PSG3: variants seen among roughly 807,000 people sequenced by gnomAD.
The protein encoded by PSG3 is pregnancy specific beta-1-glycoprotein 3.
Under a neutral mutation model 47.5 loss-of-function variants are expected in PSG3, and 61 were observed. That is an observed-to-expected ratio of 1.28 (90% confidence interval 1.05 to 1.59). PSG3 has a LOEUF of 1.59. PSG3 is among the 40% of genes most tolerant of loss of function. PSG3 has a pLI of 0.00. For synonymous variants in PSG3, 263 were observed against 198.4 expected (o/e 1.33, Z -2.74); for missense variants, 756 against 524.0 (o/e 1.44, Z -4.32).
At chr19:42,726,489 TA>T (rs1351201586) in intron 5 of PSG3, among the ~76,000 whole-genome samples, 1 of 152,142 alleles carries the variant, frequency 6.6e-6, no homozygotes, top group African/African-American at 2.4e-5. Context: ...TTCAATACAC[TA>T]ACCATGAACA....
chr19:42,734,043 G>A (rs1468181825), intron 2 of PSG3: 1 of 152,142 alleles, frequency 6.6e-6, no homozygotes, highest in South Asian at 2.1e-4. Context: ...ACTACTCTAT[G>A]TACCTGATAT....
In PSG3 at chr19:42,729,110, G is replaced by A. The variant is rs772098195; in HGVS notation, c.1243+13C>T. On this transcript the variant is annotated intron_variant, in intron 5 of 6. Transcript: ENST00000327495. ...CTAAAACTCTATTGCCAAGCATGCT[G>A]GGATCCACTTACCAGAGACTTTGAC... 3.1e-6 allele frequency: 5 copies of A among 1,613,952 alleles called. No homozygotes were observed. Among genetic ancestry groups the A allele is most frequent in the Non-Finnish European group, 1.7e-6 (2 of 1,179,856 alleles).
chr19:42,731,914 C>T (rs1969478406), intron 3 of PSG3: 2 of 151,042 alleles, frequency 1.3e-5, no homozygotes, highest in Admixed American at 1.3e-4. Flanking sequence ...CCTTAATTTC[C>T]TTTCAGATTG....
chr19:42,738,591 C>T (rs1341124165), intron 2 of PSG3, 133 bp downstream of exon 2: 9 of 1,547,474 alleles, frequency 5.8e-6, no homozygotes, highest in African/African-American at 1.4e-5. Flanking sequence ...GTGTGTCCTG[C>T]ACTAAATGCC....
intron 1 of PSG3, among the ~76,000 whole-genome samples, chr19:42,739,708 G>A (rs1969635969): frequency 6.6e-6 from 1 of 152,126 alleles, no homozygotes; most frequent in African/African-American, 2.4e-5. Context: ...TTTTTGCTGA[G>A]GACAGTGTTT....
intron 1 of PSG3, 64 bp downstream of exon 1, chr19:42,740,257 A>T: frequency 6.2e-7 from 1 of 1,613,146 alleles, no homozygotes; most frequent in Non-Finnish European, 8.5e-7. Context: ...GAGTCTCTCC[A>T]GGAGACCCCA....
chr19:42,733,034 G>A lies in PSG3; in HGVS notation c.459C>T (p.Ser153=), dbSNP rs142165732. 26 of 1,614,026 alleles carry A rather than the reference G, an allele frequency of 1.6e-5. No homozygotes were observed. The African/African-American group carries it at 3.2e-4, about 20-fold the overall frequency. ...TGTCCTCCCTGGGGTATAAGTTGCT[G>A]CTGGAGATGGAGGGCTTGGGAGTCT... is the stretch of plus-strand genomic sequence containing the variant. ...YLETPKPSIS[S]SNLYPREDME... The change falls in exon 3 of 7, where the codon AGC becomes AGT. Residue 153 remains serine (S), a synonymous_variant. Transcript: ENST00000327495.
intron 2 of PSG3, among the ~76,000 whole-genome samples, chr19:42,737,566 T>C (rs1195838575): frequency 3.9e-5 from 6 of 152,248 alleles, no homozygotes; most frequent in East Asian, 1.9e-4. Flanking sequence ...ACGGTTGAGG[T>C]AGGTGATTTA....
chr19:42,723,739 G>A (rs1969331688), intron 6 of PSG3, among the ~76,000 whole-genome samples: 1 of 152,196 alleles, frequency 6.6e-6, no homozygotes, highest in Admixed American at 6.5e-5. Flanking sequence ...AGAGGCTGGA[G>A]ATAATTATGT....
intron 2 of PSG3, among the ~76,000 whole-genome samples, chr19:42,738,085 C>G (rs1969596543): frequency 6.6e-6 from 1 of 152,194 alleles, no homozygotes; most frequent in Non-Finnish European, 1.5e-5. Flanking sequence ...CCTCCTAAGG[C>G]AGTTGTCTGA....
chr19:42,738,771 C>T lies in PSG3; in HGVS notation c.383G>A (p.Gly128Asp), dbSNP rs148268470. 6 of 1,614,088 alleles carry T rather than the reference C, an allele frequency of 3.7e-6. No individual in the cohort carries two copies. The highest frequency in any genetic ancestry group is 1.3e-5 in the African/African-American group (1 of 75,054). ...TCCAGTTTCTCCTCTAGTCCCATCA[C>T]CTCGCTTTACGATGTGTAAGGTGTA... ...GSYTLHIVKRGDGTRGETGHF... is the reference protein window; with the variant it reads ...GSYTLHIVKRDDGTRGETGHF... The change falls in exon 2 of 7, where the codon GGT becomes GAT. Residue 128 changes from glycine (G) to aspartate (D), a missense_variant. Gly to Asp is a moderately conservative substitution (Grantham distance 94, BLOSUM62 -1). Transcript: ENST00000327495.
intron 2 of PSG3, among the ~76,000 whole-genome samples, chr19:42,734,402 T>C (rs1969527101): frequency 6.6e-6 from 1 of 152,198 alleles, no homozygotes; most frequent in Non-Finnish European, 1.5e-5. Context: ...TTTGGAGCAT[T>C]TCAGATTGTG....
intron 3 of PSG3, chr19:42,732,533 G>A (rs1233206925): frequency 2.3e-6 from 2 of 888,856 alleles, no homozygotes; most frequent in Non-Finnish European, 3.4e-6. Context: ...TGGAGCCTGA[G>A]ACAGTCACCT....
chr19:42,723,489 G>T (rs1969328313), intron 6 of PSG3, among the ~76,000 whole-genome samples: 2 of 152,282 alleles, frequency 1.3e-5, no homozygotes, highest in African/African-American at 2.4e-5. Flanking sequence ...GGCTAGAGTA[G>T]ACCCCTGGAG....
chr19:42,735,847 A>T (rs1209234918), intron 2 of PSG3, among the ~76,000 whole-genome samples: 1 of 152,186 alleles, frequency 6.6e-6, no homozygotes, highest in East Asian at 1.9e-4. Context: ...AAATGGGTGA[A>T]ATGAGCCCAT....
At chr19:42,732,463 C>T in intron 3 of PSG3, 1 of 531,626 alleles carries the variant, frequency 1.9e-6, no homozygotes, top group Non-Finnish European at 3.3e-6. Flanking sequence ...GCCACAGTGA[C>T]CCTGTGAGCC....
chr19:42,730,226 G>A (rs1443886963), intron 3 of PSG3, among the ~76,000 whole-genome samples, 170 bp from the exon 4 acceptor site: 1 of 152,306 alleles, frequency 6.6e-6, no homozygotes, highest in East Asian at 1.9e-4. Flanking sequence ...AGGGCTCAAA[G>A]ACTGTGAGGC....
chr19:42,732,416 T>C (rs1969486569), intron 3 of PSG3: 1 of 405,138 alleles, frequency 2.5e-6, no homozygotes, highest in African/African-American at 2.0e-5. Flanking sequence ...ATAGGTGGTA[T>C]TGTCAGAGGG....
At chr19:42,723,134 T>C (rs184930906) in intron 6 of PSG3, among the ~76,000 whole-genome samples, 1 of 152,344 alleles carries the variant, frequency 6.6e-6, no homozygotes, top group East Asian at 1.9e-4. Flanking sequence ...CATTTCTGTA[T>C]CTTTTTTAAA....
Sources: allele counts gnomAD v4.1 joint callset (sites outside exome capture counted in the v4.1 genomes callset), GRCh38; gene constraint gnomAD v4.1.1; transcripts MANE v1.5; gene names NCBI Gene and HGNC (gene_info 2026-07-23, HGNC 2026-07-21).